MEF2C: variants seen among roughly 807,000 people sequenced by gnomAD.
MEF2C encodes the protein myocyte-specific enhancer factor 2C.
A neutral mutation model predicts 50.5 loss-of-function variants in MEF2C; 6 were observed. That is an observed-to-expected ratio of 0.12 (90% CI 0.07 to 0.23). The LOEUF (loss-of-function observed/expected upper bound fraction) is 0.23. Ranked by LOEUF, MEF2C falls within the 10% of genes least tolerant of loss-of-function variation. The pLI is 1.00. For missense variants in MEF2C, 276 were observed against 605.0 expected, an observed-to-expected ratio of 0.46 and a Z score of 5.70; for synonymous variants, 183 against 228.0, an observed-to-expected ratio of 0.80 and a Z score of 1.78.
At chr5:88,872,112 A>G (rs1829697610) in intron 1 of MEF2C, among the ~76,000 whole-genome samples, 1 of 152,034 alleles carries the variant, frequency 6.6e-6, no homozygotes, top group Middle Eastern at 3.2e-3. Flanking sequence ...ATATAATCAA[A>G]GTTGTCTAAT....
chr5:88,773,649 G>A (rs1350389813), intron 3 of MEF2C, among the ~76,000 whole-genome samples: 1 of 152,170 alleles, frequency 6.6e-6, no homozygotes, highest in African/African-American at 2.4e-5. Flanking sequence ...TTTCTGGATA[G>A]GTGTCCTACA....
intron 10 of MEF2C, among the ~76,000 whole-genome samples, chr5:88,727,577 G>A (rs1759438411): frequency 6.6e-6 from 1 of 152,062 alleles, no homozygotes; most frequent in South Asian, 2.1e-4. Flanking sequence ...AACTAATACA[G>A]CTAAGTGATT....
At chr5:88,774,544 G>T (rs185708931) in intron 3 of MEF2C, among the ~76,000 whole-genome samples, 3 of 151,960 alleles carry the variant, frequency 2.0e-5, no homozygotes, top group Non-Finnish European at 2.9e-5. Flanking sequence ...GCATGGTCTC[G>T]ATCTCCTGAC....
intron 1 of MEF2C, among the ~76,000 whole-genome samples, chr5:88,869,136 G>A (rs1473566468): frequency 6.6e-6 from 1 of 150,958 alleles, no homozygotes; most frequent in East Asian, 1.9e-4. Flanking sequence ...GTTTCACAAA[G>A]GTCTTAATTT....
upstream of MEF2C, among the ~76,000 whole-genome samples, chr5:88,886,808 A>G (rs1244610095): frequency 1.3e-5 from 2 of 152,252 alleles, no homozygotes; most frequent in Non-Finnish European, 2.9e-5. Flanking sequence ...TAGAAGTTAC[A>G]GAGAGCATGC....
chr5:88,839,321 A>ATC (rs71613097), intron 1 of MEF2C: 1,807 of 141,866 alleles, frequency 0.013, 23 homozygotes, highest in South Asian at 0.038. Flanking sequence ...ACGCCACATT[A>ATC]TCTCTCTCTC....
chr5:88,853,697 A>C (rs1033619789), intron 1 of MEF2C, among the ~76,000 whole-genome samples: 33 of 152,234 alleles, frequency 2.2e-4, no homozygotes, highest in African/African-American at 7.7e-4. Context: ...AGCTTTTATT[A>C]GATGTCCACG....
intron 1 of MEF2C, among the ~76,000 whole-genome samples, chr5:88,853,084 C>T (rs1036544064): frequency 6.6e-6 from 1 of 152,072 alleles, no homozygotes; most frequent in African/African-American, 2.4e-5. Context: ...ATTAATTGGG[C>T]ATGGTGGCCT....
intron 1 of MEF2C, among the ~76,000 whole-genome samples, chr5:88,864,381 A>C (rs115368895): frequency 0.04 from 6,019 of 151,858 alleles, 183 homozygotes; most frequent in South Asian, 0.058. Flanking sequence ...TTCTCAACCC[A>C]AGCTTTACAT....
chr5:88,727,933 TA>T (rs1260168692), intron 10 of MEF2C, among the ~76,000 whole-genome samples: 1 of 152,004 alleles, frequency 6.6e-6, no homozygotes, highest in African/African-American at 2.4e-5. Flanking sequence ...TCTGACTACA[TA>T]AAACAAAAAT....
At chr5:88,774,303 A>C (rs1156288875) in intron 3 of MEF2C, among the ~76,000 whole-genome samples, 1 of 151,880 alleles carries the variant, frequency 6.6e-6, no homozygotes, top group Non-Finnish European at 1.5e-5. Context: ...AAATGCAAAT[A>C]ATTGTTTCTT....
intron 6 of MEF2C, chr5:88,733,309 G>T: frequency 5.1e-6 from 5 of 985,336 alleles, no homozygotes; most frequent in Non-Finnish European, 6.0e-6. Flanking sequence ...AAGGGGACCC[G>T]TGAAAAGAGA....
chr5:88,759,488 TA>T (rs1379571134), intron 4 of MEF2C, among the ~76,000 whole-genome samples: 1 of 151,958 alleles, frequency 6.6e-6, no homozygotes, highest in Non-Finnish European at 1.5e-5. Flanking sequence ...GTCTCAAAAA[TA>T]AAAATAGATA....
intron 3 of MEF2C, among the ~76,000 whole-genome samples, chr5:88,789,337 A>G (rs905836853): frequency 7.3e-5 from 11 of 151,540 alleles, no homozygotes; most frequent in Admixed American, 7.2e-4. Context: ...CAGCTAATTT[A>G]TTTTTATTTT....
chr5:88,752,558 A>C (rs1334129786), intron 4 of MEF2C: 1 of 950,972 alleles, frequency 1.1e-6, no homozygotes, highest in Non-Finnish European at 1.3e-6. Flanking sequence ...ATGTTTTAAA[A>C]GTAACTCTAA....
chr5:88,758,578 G>A (rs1458748336), intron 4 of MEF2C, among the ~76,000 whole-genome samples: 1 of 152,180 alleles, frequency 6.6e-6, no homozygotes, highest in African/African-American at 2.4e-5. Flanking sequence ...TTAAAGAGGT[G>A]GAGACACTCT....
intron 6 of MEF2C, chr5:88,739,125 A>G: frequency 1.0e-6 from 1 of 985,394 alleles, no homozygotes; most frequent in Non-Finnish European, 1.2e-6. Context: ...TGAAATGTCC[A>G]GTATTTTTTA....
chr5:88,752,427 C>T (rs1352746661), intron 4 of MEF2C, among the ~76,000 whole-genome samples: 1 of 152,198 alleles, frequency 6.6e-6, no homozygotes, highest in East Asian at 1.9e-4. Context: ...GATTAAAATG[C>T]AAACCGAAGC....
intron 3 of MEF2C, among the ~76,000 whole-genome samples, chr5:88,801,201 AG>A (rs1798166685): frequency 6.6e-6 from 1 of 152,302 alleles, no homozygotes; most frequent in African/African-American, 2.4e-5. Context: ...TAGAGGGTTA[AG>A]GAAGAGGGGT....
Sources: allele counts gnomAD v4.1 joint callset (sites outside exome capture counted in the v4.1 genomes callset), GRCh38; gene constraint gnomAD v4.1.1; transcripts MANE v1.5; gene names NCBI Gene and HGNC (gene_info 2026-07-23, HGNC 2026-07-21).